The following DTD1 variants were observed in gnomAD, a reference collection of about 807,000 sequenced individuals.
DTD1 encodes the protein D-tyrosyl-tRNA deacylase 1 homolog.
A neutral mutation model predicts 25.6 loss-of-function variants in DTD1; 13 were observed. The ratio of observed to expected loss-of-function variants is 0.51; its 90% CI spans 0.33 to 0.81. DTD1 has a LOEUF of 0.81. DTD1 is among the 30% of genes least tolerant of loss of function. DTD1 has a pLI of 0.02. For missense variants in DTD1, 193 were observed against 266.4 expected, an observed-to-expected ratio of 0.72 and a Z score of 1.92; for synonymous variants, 110 against 103.6, an observed-to-expected ratio of 1.06 and a Z score of -0.37.
Position 18,596,189 on chromosome 20 carries a change from C to T in DTD1, c.318C>T (p.Tyr106=), listed in dbSNP as rs146076783. Residue 106 remains tyrosine, a synonymous_variant, in exon 3 of 6, where the codon TAC becomes TAT. Coordinates refer to ENST00000377452, the MANE Select transcript of DTD1 (RefSeq NM_080820.6). ...CCACGGAGCAGGCAGAGGGCTTCTACAACAGCTTCCTGGAGCAGCTGCGTA... is the reference window on the plus strand; with the variant it reads ...CCACGGAGCAGGCAGAGGGCTTCTATAACAGCTTCCTGGAGCAGCTGCGTA... ...AMPTEQAEGF[Y]NSFLEQLRKT... is the part of the protein sequence containing the mutation. 6.1e-5 allele frequency: 99 copies of T among 1,614,162 alleles called. No homozygotes were observed. The highest frequency in any genetic ancestry group is 8.1e-5 in the Non-Finnish European group (96 of 1,180,012).
intron 4 of DTD1, among the ~76,000 whole-genome samples, chr20:18,727,225 G>A (rs1045517376): frequency 1.3e-5 from 2 of 152,190 alleles, no homozygotes; most frequent in Non-Finnish European, 2.9e-5. Flanking sequence ...CACGGCTCCC[G>A]GGGGTGAGGT....
intron 4 of DTD1, among the ~76,000 whole-genome samples, chr20:18,663,935 C>T (rs1285764267): frequency 9.9e-5 from 15 of 152,178 alleles, no homozygotes; most frequent in Non-Finnish European, 2.9e-5. Context: ...GGGTCCCTCC[C>T]ATGACATGTA....
At chr20:18,748,127 T>G (rs1407742519) in intron 5 of DTD1, among the ~76,000 whole-genome samples, 1 of 152,076 alleles carries the variant, frequency 6.6e-6, no homozygotes, top group African/African-American at 2.4e-5. Flanking sequence ...AGCCCCTGTC[T>G]CCCAGCAACC....
chr20:18,630,208 A>G (rs2060779770), intron 4 of DTD1, among the ~76,000 whole-genome samples: 1 of 152,116 alleles, frequency 6.6e-6, no homozygotes, highest in South Asian at 2.1e-4. Flanking sequence ...AGTTGAAAAA[A>G]CAGAGTTTCC....
intron 4 of DTD1, among the ~76,000 whole-genome samples, chr20:18,716,977 G>A (rs1199376503): frequency 6.6e-6 from 1 of 152,134 alleles, no homozygotes. Flanking sequence ...TCAATCTGAG[G>A]TACACATCAA....
In DTD1 at chr20:18,631,998, A is replaced by G. The variant is rs777533459; in HGVS notation, c.477+3765A>G. 2.9e-5 allele frequency: 24 copies of G among 840,074 alleles called. 1 individual carries two copies. Among genetic ancestry groups the G allele is most frequent in the Non-Finnish European group, 3.4e-5 (24 of 697,764 alleles). The allele number at this position is 840,074 out of a possible 1,614,324, so 52.0% of individuals were successfully genotyped here. On this transcript the variant is annotated intron_variant, in intron 4 of 5. Coordinates refer to ENST00000377452, the MANE Select transcript of DTD1 (RefSeq NM_080820.6). ...TGTACACCATAAGGAGTGCAGTATC[A>G]TATTGTGCACTGGGAGTAGATTTAG... is the stretch of plus-strand genomic sequence containing the variant.
intron 5 of DTD1, among the ~76,000 whole-genome samples, chr20:18,762,093 A>C (rs984006325): frequency 1.1e-4 from 17 of 152,288 alleles, no homozygotes; most frequent in African/African-American, 3.4e-4. Context: ...GGACTTCGCT[A>C]TCCAGCTGGG....
chr20:18,708,237 T>TA (rs2061137313), intron 4 of DTD1, among the ~76,000 whole-genome samples: 2 of 2,088 alleles, frequency 9.6e-4, no homozygotes, highest in Non-Finnish European at 4.2e-3. Flanking sequence ...ATATTTTATA[T>TA]ATATATAATA....
chr20:18,746,886 T>C (rs2061302418), intron 5 of DTD1, among the ~76,000 whole-genome samples: 1 of 152,130 alleles, frequency 6.6e-6, no homozygotes, highest in South Asian at 2.1e-4. Flanking sequence ...CTCATCACTG[T>C]GTTTTCCTGC....
intron 3 of DTD1, among the ~76,000 whole-genome samples, chr20:18,624,057 C>T (rs1437082755): frequency 3.9e-5 from 6 of 152,120 alleles, no homozygotes; most frequent in African/African-American, 9.7e-5. Flanking sequence ...GGAAGCCTCA[C>T]CAACTCAGAC....
intron 4 of DTD1, among the ~76,000 whole-genome samples, chr20:18,638,730 T>C (rs1243931100): frequency 6.6e-6 from 1 of 152,164 alleles, no homozygotes. Flanking sequence ...GTTAGAATGT[T>C]GAGAGCTCTG....
intron 4 of DTD1, among the ~76,000 whole-genome samples, chr20:18,664,375 T>C (rs1289082486): frequency 6.6e-6 from 1 of 152,228 alleles, no homozygotes; most frequent in African/African-American, 2.4e-5. Context: ...TTCCCACTCA[T>C]AGAGTCTTCT....
At chr20:18,755,340 T>G (rs1447702068) in intron 5 of DTD1, among the ~76,000 whole-genome samples, 1 of 152,254 alleles carries the variant, frequency 6.6e-6, no homozygotes, top group Non-Finnish European at 1.5e-5. Flanking sequence ...TACATATGTA[T>G]ACATGTGCCA....
chr20:18,697,878 G>A (rs149556751), intron 4 of DTD1, among the ~76,000 whole-genome samples: 3,460 of 152,258 alleles, frequency 0.023, 78 homozygotes, highest in African/African-American at 0.045. Flanking sequence ...TAGAGACGGG[G>A]TTTCACTGCG....
chr20:18,716,203 C>G (rs1358201123), intron 4 of DTD1, among the ~76,000 whole-genome samples: 1 of 152,328 alleles, frequency 6.6e-6, no homozygotes, highest in African/African-American at 2.4e-5. Flanking sequence ...AATATTGGTT[C>G]AGGATCTGAA....
intron 4 of DTD1, chr20:18,674,548 A>G (rs1448147177): frequency 2.0e-5 from 3 of 152,234 alleles, no homozygotes; most frequent in African/African-American, 4.8e-5. Context: ...TTTACCCCCA[A>G]TTTGGGGCCA....
intron 4 of DTD1, among the ~76,000 whole-genome samples, chr20:18,672,905 G>A (rs1336468306): frequency 6.6e-6 from 1 of 152,170 alleles, no homozygotes; most frequent in Non-Finnish European, 1.5e-5. Context: ...TCATAATTTG[G>A]CTTCCTAGAT....
At chr20:18,680,417 G>GTTTTTTTTTTTTTTTTTTTTTTTTCTTT (rs3056280) in intron 4 of DTD1, among the ~76,000 whole-genome samples, 1 of 105,216 alleles carries the variant, frequency 9.5e-6, no homozygotes. Flanking sequence ...TGTTGTCTAC[G>GTTTTTTTTTTTTTTTTTTTTTTTTCTTT]TTTTTTTTTT....
At chr20:18,601,535 T>A (rs538222347) in intron 3 of DTD1, among the ~76,000 whole-genome samples, 2 of 148,422 alleles carry the variant, frequency 1.3e-5, no homozygotes, top group South Asian at 4.2e-4. Context: ...TCTGACAGCT[T>A]TGAAGAGAGC....
Sources: allele counts gnomAD v4.1 joint callset (sites outside exome capture counted in the v4.1 genomes callset), GRCh38; gene constraint gnomAD v4.1.1; transcripts MANE v1.5; gene names NCBI Gene and HGNC (gene_info 2026-07-23, HGNC 2026-07-21).